Variants in CD5 observed in about 807,000 individuals in gnomAD.
CD5 encodes the protein T-cell surface glycoprotein CD5.
A neutral mutation model predicts 60.3 loss-of-function variants in CD5; 36 were observed. The ratio of observed to expected loss-of-function variants is 0.60; its 90% confidence interval spans 0.46 to 0.79. The LOEUF is 0.79. CD5 is among the 30% of genes least tolerant of loss of function. The pLI is 0.00. For missense variants in CD5, 540 were observed against 630.6 expected (o/e 0.86, Z 1.54); for synonymous variants, 230 against 257.6 (o/e 0.89, Z 1.03).
upstream of CD5, among the ~76,000 whole-genome samples, chr11:61,099,932 A>G (rs1328045044): frequency 6.6e-6 from 1 of 151,834 alleles, no homozygotes; most frequent in Non-Finnish European, 1.5e-5. Flanking sequence ...GATCACACAC[A>G]CATCAACATG....
chr11:61,106,565 G>A (rs1018012250), intron 1 of CD5, among the ~76,000 whole-genome samples: 1 of 152,192 alleles, frequency 6.6e-6, no homozygotes, highest in African/African-American at 2.4e-5. Context: ...GCCTTCCTGG[G>A]TCACTCTGTC....
In CD5 at chr11:61,102,612, C is replaced by G. The variant is rs1379350238; in HGVS notation, c.52C>G (p.Leu18Val). The G allele has an allele frequency of 5.7e-6, 9 of 1,588,224 alleles. No individual in the cohort carries two copies. In the African/African-American group the frequency reaches 1.1e-4, roughly 19 times the overall value. The change falls in exon 1 of 11, where the codon CTG becomes GTG. Residue 18 changes from leucine to valine, a missense_variant. By Grantham distance (32) the Leu-to-Val change is conservative. Coordinates refer to ENST00000347785, the MANE Select transcript of CD5 (RefSeq NM_014207.4). Reference protein sequence around the residue: ...PLATLYLLGMLVASCLGRLSW... With the variant: ...PLATLYLLGMVVASCLGRLSW... ...GGCCACCTTGTACCTGCTGGGGATG[C>G]TGGGTGAGTACCCCTCCCAGGTGTC...
upstream of CD5, among the ~76,000 whole-genome samples, chr11:61,100,366 ACAT>A (rs1860651009): frequency 6.8e-6 from 1 of 146,822 alleles, no homozygotes; most frequent in African/African-American, 2.5e-5. Flanking sequence ...TCACTCACAC[ACAT>A]CAACATGGAG....
chr11:61,107,305 G>T (rs1359363408), intron 1 of CD5, among the ~76,000 whole-genome samples: 1 of 152,170 alleles, frequency 6.6e-6, no homozygotes, highest in Non-Finnish European at 1.5e-5. Flanking sequence ...AGCCACGAGG[G>T]CCACGGATGC....
chr11:61,096,615 C>G, the CD5 span, among the ~76,000 whole-genome samples: 20 of 152,306 alleles, frequency 1.3e-4, no homozygotes, highest in African/African-American at 4.8e-4. Context: ...AAGAGACTTG[C>G]TTAGCAAGTT....
intron 1 of CD5, among the ~76,000 whole-genome samples, chr11:61,108,215 C>T (rs1279811713): frequency 1.3e-5 from 2 of 152,192 alleles, no homozygotes; most frequent in Non-Finnish European, 2.9e-5. Context: ...GTCTCTGTGA[C>T]AGCAGAGACA....
At chr11:61,099,620 A>C (rs2134585232), upstream of CD5, among the ~76,000 whole-genome samples, 1 of 152,004 alleles carries the variant, frequency 6.6e-6, no homozygotes, top group African/African-American at 2.4e-5. Flanking sequence ...ACACATCAAC[A>C]TGGAGATCAC....
At chr11:61,113,665 CTTT>C (rs1860891779) in intron 1 of CD5, among the ~76,000 whole-genome samples, 1 of 151,942 alleles carries the variant, frequency 6.6e-6, no homozygotes, top group Non-Finnish European at 1.5e-5. Flanking sequence ...TCATTTCTTT[CTTT>C]CCTTTTTTTT....
the CD5 span, among the ~76,000 whole-genome samples, chr11:61,095,781 G>A: frequency 2.0e-5 from 3 of 152,194 alleles, no homozygotes; most frequent in African/African-American, 4.8e-5. Flanking sequence ...GGTCATCCAA[G>A]GAAAAGAGGA....
At chr11:61,113,332 G>A (rs2134600036) in intron 1 of CD5, among the ~76,000 whole-genome samples, 1 of 152,348 alleles carries the variant, frequency 6.6e-6, no homozygotes, top group African/African-American at 2.4e-5. Context: ...CTCTTCCCCA[G>A]CCACAGATGA....
At chr11:61,110,989 AG>A (rs1235912505) in intron 1 of CD5, among the ~76,000 whole-genome samples, 5 of 152,330 alleles carry the variant, frequency 3.3e-5, no homozygotes, top group Admixed American at 2.6e-4. Context: ...GGAAGGTTCC[AG>A]GGCGACACTC....
chr11:61,103,929 ACT>A (rs1233801799), intron 1 of CD5, among the ~76,000 whole-genome samples: 2 of 79,026 alleles, frequency 2.5e-5, no homozygotes, highest in African/African-American at 5.3e-5. Flanking sequence ...GGAATGTGTG[ACT>A]CTGTGTGTGA....
At chr11:61,102,887 AG>A (rs1291073681) in intron 1 of CD5, among the ~76,000 whole-genome samples, 2 of 152,200 alleles carry the variant, frequency 1.3e-5, no homozygotes, top group East Asian at 1.9e-4. Flanking sequence ...GAGAGACTGC[AG>A]GGGGGACCCG....
chr11:61,108,998 AGGGTGCAGGGGC>A (rs1482098177), intron 1 of CD5, among the ~76,000 whole-genome samples: 1 of 152,102 alleles, frequency 6.6e-6, no homozygotes. Flanking sequence ...TCCATTTCCC[AGGGTGCAGGGGC>A]GGCAGGACCT....
Position 61,107,962 on chromosome 11 carries a change from C to G in CD5, c.55+5347C>G, listed in dbSNP as rs537278365. ...ACTCCAGAGCAAGCAGGCTCTGGGG[C>G]CTCCCTGGGGTAGACTCCCACAGGC... On this transcript the variant is annotated intron_variant, in intron 1 of 10. Transcript: ENST00000347785. Among the ~76,000 whole-genome samples the G allele has an allele frequency of 7.2e-4, 110 of 152,238 alleles. 2 individuals are homozygous for G. The highest frequency in any genetic ancestry group is 7.1e-3 in the Admixed American group (109 of 15,300).
Position 61,119,288 on chromosome 11 carries a change from T to C in CD5, c.518T>C (p.Val173Ala), listed in dbSNP as rs1590773258. The change falls in exon 5 of 11, where the codon GTG becomes GCG. Residue 173 changes from valine (V) to alanine (A), a missense_variant. Val to Ala is a moderately conservative substitution (Grantham distance 64, BLOSUM62 0). Coordinates refer to ENST00000347785, the MANE Select transcript of CD5 (RefSeq NM_014207.4). ...AQSGGQHCAGVVEFYSGSLGG... is the reference protein window; with the variant it reads ...AQSGGQHCAGAVEFYSGSLGG... ...TCTGGCGGCCAGCACTGTGCCGGCG[T>C]GGTGGAGTTCTACAGCGGCAGCCTG... The C allele has an allele frequency of 6.2e-7, 1 of 1,613,446 alleles. No homozygotes were observed. Among genetic ancestry groups the C allele is most frequent in the Non-Finnish European group, 8.5e-7 (1 of 1,179,976 alleles).
At chr11:61,102,646 ACCCGGG>A (rs1860713570) in intron 1 of CD5, 31 bp downstream of exon 1, 1 of 1,551,444 alleles carries the variant, frequency 6.4e-7, no homozygotes, top group African/African-American at 1.4e-5. Flanking sequence ...TCCTGCGAAC[ACCCGGG>A]CTCGCTCCAG....
Position 61,125,772 on chromosome 11 carries a change from G to A in CD5, c.1421G>A (p.Arg474His), listed in dbSNP as rs527968169. Residue 474 changes from arginine (R) to histidine (H), a missense_variant, in exon 10 of 11, where the codon CGC (arginine) becomes CAC (histidine). Arg to His is a conservative substitution (Grantham distance 29). Transcript: ENST00000347785. ...CCAGCTCTGGAAGGGGCTCTGCATC[G>A]CTCCTCCATGCAGCCTGACAACTCC... ...AYPALEGALH[R>H]SSMQPDNSSD... The A allele has an allele frequency of 1.4e-5, 22 of 1,611,578 alleles. No individual in the cohort carries two copies. Among genetic ancestry groups the A allele is most frequent in the Admixed American group, 6.7e-5 (4 of 59,868 alleles).
At chr11:61,125,651 C>T in intron 9 of CD5, 100 bp from the exon 10 acceptor site, 1 of 702,038 alleles carries the variant, frequency 1.4e-6, no homozygotes, top group Non-Finnish European at 2.4e-6. Context: ...GCTCATAAAG[C>T]CCCTGTGATC....
Sources: allele counts gnomAD v4.1 joint callset (sites outside exome capture counted in the v4.1 genomes callset), GRCh38; gene constraint gnomAD v4.1.1; transcripts MANE v1.5; gene names NCBI Gene and HGNC (gene_info 2026-07-23, HGNC 2026-07-21).